The following NOL10 variants were observed in gnomAD, a reference collection of about 807,000 sequenced individuals.
NOL10 encodes nucleolar protein 10.
In NOL10, 58 loss-of-function variants were observed where a neutral mutation model predicts 103.5. The observed-to-expected ratio is 0.56, with a 90% CI of 0.45 to 0.70. The LOEUF (loss-of-function observed/expected upper bound fraction) is 0.70, where lower values mean the gene tolerates loss of function less well. Ranked by LOEUF, NOL10 falls within the 30% of genes least tolerant of loss-of-function variation. NOL10 has a pLI of 0.00. For synonymous variants in NOL10, 287 were observed against 282.5 expected, an observed-to-expected ratio of 1.02 and a Z score of -0.16; for missense variants, 763 against 807.3, an observed-to-expected ratio of 0.95 and a Z score of 0.67.
chr2:10,625,003 A>T (rs1437964604), intron 13 of NOL10, among the ~76,000 whole-genome samples: 1 of 152,230 alleles, frequency 6.6e-6, no homozygotes, highest in African/African-American at 2.4e-5. Flanking sequence ...CATAGGATTA[A>T]GTGAAAGAAG....
chr2:10,603,867 A>G (rs1275794649), intron 14 of NOL10, among the ~76,000 whole-genome samples: 1 of 152,230 alleles, frequency 6.6e-6, no homozygotes. Flanking sequence ...TGACACAGAA[A>G]AAGACTGAGA....
intron 8 of NOL10, among the ~76,000 whole-genome samples, chr2:10,664,170 C>T (rs1286302510): frequency 1.3e-5 from 2 of 151,450 alleles, no homozygotes; most frequent in Non-Finnish European, 2.9e-5. Flanking sequence ...GTGGCTTATG[C>T]CTGTAATCCC....
chr2:10,589,749 ACT>A lies in NOL10; in HGVS notation c.1423_1424del (p.Leu476SerfsTer2), dbSNP rs767243649. 6.6e-7 allele frequency: 1 copy of A among 1,508,910 alleles called. No homozygotes were observed. Among genetic ancestry groups the A allele is most frequent in the Non-Finnish European group, 8.8e-7 (1 of 1,132,398 alleles). The allele number at this position is 1,508,910 out of a possible 1,614,324, so 93.5% of individuals were successfully genotyped here. Reference protein sequence around the residue: ...QKSTWKKKVKSLPNILTDDRF... With the variant: ...QKSTWKKKVKXLPNILTDDRF... The stretch of plus-strand genomic sequence containing the variant: ...GATCATCGGTGAGAATATTAGGAAG[ACT>A]CTACAAGGAGGAAAAAGTACGTAAA... On this transcript the variant is annotated frameshift_variant and splice_region_variant, in exon 18 of 21. Transcript: ENST00000381685. LOFTEE classifies it high-confidence loss of function.
intron 13 of NOL10, among the ~76,000 whole-genome samples, chr2:10,625,564 C>T (rs1315849913): frequency 6.6e-6 from 1 of 152,182 alleles, no homozygotes; most frequent in Non-Finnish European, 1.5e-5. Flanking sequence ...GAATAATGTT[C>T]TGTTCCTCAA....
At chr2:10,673,904 A>T (rs1190613777) in intron 4 of NOL10, among the ~76,000 whole-genome samples, 2 of 152,240 alleles carry the variant, frequency 1.3e-5, no homozygotes, top group African/African-American at 4.8e-5. Flanking sequence ...ATTGTTGCTT[A>T]ACAAAAAAGA....
chr2:10,663,946 G>A (rs1268152367), intron 8 of NOL10, among the ~76,000 whole-genome samples: 1 of 148,770 alleles, frequency 6.7e-6, no homozygotes, highest in Non-Finnish European at 1.5e-5. Flanking sequence ...GCGAGACTCC[G>A]TCTCCAAAAA....
intron 12 of NOL10, among the ~76,000 whole-genome samples, chr2:10,651,673 A>G (rs1251894310): frequency 6.6e-6 from 1 of 151,226 alleles, no homozygotes; most frequent in Non-Finnish European, 1.5e-5. Context: ...TCAAACTGTC[A>G]CTCCCCCAGT....
chr2:10,646,135 A>G (rs755405912), intron 12 of NOL10, among the ~76,000 whole-genome samples: 5 of 152,190 alleles, frequency 3.3e-5, no homozygotes, highest in Non-Finnish European at 7.3e-5. Context: ...CGAGGTCATG[A>G]TGGACAGAAA....
At chr2:10,668,969 T>C (rs1680732774) in intron 6 of NOL10, among the ~76,000 whole-genome samples, 1 of 152,054 alleles carries the variant, frequency 6.6e-6, no homozygotes, top group African/African-American at 2.4e-5. Context: ...ACAAATAAGA[T>C]GGAGAATACA....
At chr2:10,597,715 G>T (rs1675770482) in intron 17 of NOL10, among the ~76,000 whole-genome samples, 1 of 152,162 alleles carries the variant, frequency 6.6e-6, no homozygotes, top group African/African-American at 2.4e-5. Flanking sequence ...AAGATTAGGG[G>T]CACATTTTAC....
intron 19 of NOL10, among the ~76,000 whole-genome samples, chr2:10,586,566 A>C (rs529391703): frequency 8.2e-4 from 125 of 151,556 alleles, no homozygotes; most frequent in African/African-American, 2.8e-3. Context: ...ACTTACACGC[A>C]GTTTTTCCAA....
intron 13 of NOL10, among the ~76,000 whole-genome samples, chr2:10,637,192 A>AAAAG: frequency 6.9e-6 from 1 of 144,898 alleles, no homozygotes; most frequent in Non-Finnish European, 1.5e-5. Flanking sequence ...CTGTCTCAAA[A>AAAAG]AAAAAAAAAA....
chr2:10,673,083 C>T (rs1681057820), intron 5 of NOL10, among the ~76,000 whole-genome samples: 1 of 151,944 alleles, frequency 6.6e-6, no homozygotes, highest in African/African-American at 2.4e-5. Context: ...CAGAATATAC[C>T]ACAACCATTT....
chr2:10,680,342 G>T (rs893007516), intron 3 of NOL10, among the ~76,000 whole-genome samples: 1 of 124,324 alleles, frequency 8.0e-6, no homozygotes, highest in Non-Finnish European at 1.6e-5. Context: ...GGGAGAAGAG[G>T]GAGAGGGAGA....
rs540669017 is a variant in NOL10, at chr2:10,647,581, G to A, written c.974-3209C>T. ...TTCACCACACGTGTTGGGAAGTGCT[G>A]CGCAAAAACATATGGCATCAGTCAC... On this transcript the variant is annotated intron_variant, in intron 12 of 20. Transcript: ENST00000381685. 1.4e-3 allele frequency among the ~76,000 whole-genome samples: 207 copies of A among 152,196 alleles called. 2 individuals are homozygous for A. Among genetic ancestry groups the A allele is most frequent in the Non-Finnish European group, 2.4e-3 (161 of 68,038 alleles).
At chr2:10,597,179 GATA>G (rs1297270699) in intron 17 of NOL10, among the ~76,000 whole-genome samples, 3 of 152,108 alleles carry the variant, frequency 2.0e-5, no homozygotes, top group Non-Finnish European at 2.9e-5. Context: ...TCTGAGTTTG[GATA>G]ATGTCCATAT....
At chr2:10,587,170 CATAT>C (rs752239418) in intron 19 of NOL10, among the ~76,000 whole-genome samples, 1 of 41,014 alleles carries the variant, frequency 2.4e-5, no homozygotes, top group South Asian at 5.0e-4. Flanking sequence ...CATATATACA[CATAT>C]ATATACACAT....
At chr2:10,631,620 A>C (rs1452601137) in intron 13 of NOL10, among the ~76,000 whole-genome samples, 1 of 152,168 alleles carries the variant, frequency 6.6e-6, no homozygotes, top group East Asian at 1.9e-4. Flanking sequence ...CCATTCTCAG[A>C]TGTGGCTGAC....
At chr2:10,653,227 C>T (rs556497168) in intron 12 of NOL10, among the ~76,000 whole-genome samples, 1 of 151,876 alleles carries the variant, frequency 6.6e-6, no homozygotes, top group South Asian at 2.1e-4. Flanking sequence ...ATTTCTAAGC[C>T]CTTTCCATAG....
Sources: gnomAD v4.1 joint callset for allele counts (sites outside exome capture counted in the v4.1 genomes callset) on GRCh38, gnomAD v4.1.1 for gene constraint, MANE v1.5 for transcripts, NCBI Gene and HGNC (gene_info 2026-07-23, HGNC 2026-07-21) for gene names.